The following JAK2 variants were observed in gnomAD, a reference collection of about 807,000 sequenced individuals.
The protein encoded by JAK2 is Janus kinase 2.
JAK2 carries 86 observed loss-of-function variants against 139.3 expected under a neutral mutation model. That is an observed-to-expected ratio of 0.62 (90% CI 0.52 to 0.74). The LOEUF is 0.74. JAK2 is among the 30% of genes least tolerant of loss of function. The probability of loss-of-function intolerance (pLI) is 0.00; values close to 1 mark genes in which losing one functional copy is unlikely to be tolerated. For synonymous variants in JAK2, 490 were observed against 437.7 expected, an observed-to-expected ratio of 1.12 and a Z score of -1.49; for missense variants, 1,421 against 1,360.3, an observed-to-expected ratio of 1.04 and a Z score of -0.70.
At chr9:5,093,748 C>T (rs1043899633) in intron 22 of JAK2, among the ~76,000 whole-genome samples, 1 of 152,094 alleles carries the variant, frequency 6.6e-6, no homozygotes, top group Non-Finnish European at 1.5e-5. Flanking sequence ...ACAGTGCAAT[C>T]CTATTCTATC....
chr9:5,025,952 CTT>C (rs1822757536), intron 3 of JAK2, among the ~76,000 whole-genome samples: 1 of 152,164 alleles, frequency 6.6e-6, no homozygotes, highest in Admixed American at 6.5e-5. Context: ...TTCTAGCACT[CTT>C]TGTCTTCATA....
intron 3 of JAK2, among the ~76,000 whole-genome samples, chr9:5,026,747 T>G (rs1278611057): frequency 1.3e-5 from 2 of 152,198 alleles, no homozygotes; most frequent in East Asian, 3.8e-4. Flanking sequence ...GAATGTTCTA[T>G]ATATGCTTGA....
chr9:4,990,463 T>A (rs1820176957), intron 2 of JAK2, among the ~76,000 whole-genome samples: 1 of 152,102 alleles, frequency 6.6e-6, no homozygotes, highest in African/African-American at 2.4e-5. Flanking sequence ...GATGGGCAAG[T>A]GAAAATTGAT....
intron 6 of JAK2, among the ~76,000 whole-genome samples, chr9:5,051,848 C>T (rs1276704098): frequency 6.6e-6 from 1 of 151,932 alleles, no homozygotes; most frequent in South Asian, 2.1e-4. Flanking sequence ...GTATTTCTCT[C>T]TTTGGTTTTA....
In JAK2 at chr9:5,127,680, A is replaced by G. The variant is rs1314027297; in HGVS notation, c.*889A>G. ...CTTTGAGCTGCTGACTGCCAATAAC[A>G]TTCTTCGATCTCTGGGATTTATGCT... On this transcript the variant is annotated 3_prime_UTR_variant, in exon 25 of 25. Coordinates refer to ENST00000381652, the MANE Select transcript of JAK2 (RefSeq NM_004972.4). The G allele has an allele frequency of 1.3e-5, 3 of 232,340 alleles. No individual in the cohort carries two copies. Among genetic ancestry groups the G allele is most frequent in the Non-Finnish European group, 2.6e-5 (3 of 117,056 alleles). The allele number at this position is 232,340 out of a possible 1,614,324, so 14.4% of individuals were successfully genotyped here. A position where few individuals can be genotyped will look rare whatever the true frequency, so the allele number is the denominator to read the frequency against.
rs181851852 is a variant in JAK2, at chr9:5,043,915, A to T, written c.351-488A>T. On this transcript the variant is annotated intron_variant, in intron 4 of 24. Coordinates refer to ENST00000381652, the MANE Select transcript of JAK2 (RefSeq NM_004972.4). ...GCTATGAATAAACTAAAAACATTGA[A>T]TTTTACACTTTAAGTGGGTGGACTT... is the stretch of plus-strand genomic sequence containing the variant. Among the ~76,000 whole-genome samples the T allele has an allele frequency of 1.2e-3, 177 of 152,322 alleles. 1 individual carries two copies. Among genetic ancestry groups the T allele is most frequent in the South Asian group, 8.1e-3 (39 of 4,828 alleles).
In JAK2 at chr9:5,102,733, A is replaced by G. The variant is rs1391300552; in HGVS notation, c.3059+11822A>G. Reference sequence around the variant, plus strand: ...TACAAGCCAGAAGAGAGTGGAGGCCAATATTCAACATTCTTAGAGAAAAAG... The same window carrying G: ...TACAAGCCAGAAGAGAGTGGAGGCCGATATTCAACATTCTTAGAGAAAAAG... On this transcript the variant is annotated intron_variant, in intron 22 of 24. Transcript: ENST00000381652. Among the ~76,000 whole-genome samples, 6 of 152,238 alleles carry G rather than the reference A, an allele frequency of 3.9e-5. No homozygotes were observed. In the East Asian group the frequency reaches 1.2e-3, roughly 29 times the overall value.
chr9:5,103,073 T>C (rs1266579460), intron 22 of JAK2, among the ~76,000 whole-genome samples: 1 of 151,714 alleles, frequency 6.6e-6, no homozygotes, highest in Non-Finnish European at 1.5e-5. Context: ...ATGGGATGAA[T>C]GCCCCAATTA....
At chr9:5,088,202 C>G (rs1820282681) in intron 19 of JAK2, among the ~76,000 whole-genome samples, 1 of 152,114 alleles carries the variant, frequency 6.6e-6, no homozygotes, top group Non-Finnish European at 1.5e-5. Flanking sequence ...TATTCTAGTT[C>G]CAATCTGACT....
At chr9:5,116,259 A>T (rs1823167470) in intron 22 of JAK2, among the ~76,000 whole-genome samples, 1 of 152,212 alleles carries the variant, frequency 6.6e-6, no homozygotes, top group South Asian at 2.1e-4. Flanking sequence ...AAACCCAAAA[A>T]GTCTGATCCC....
intron 9 of JAK2, 54 bp from the exon 10 acceptor site, chr9:5,066,624 C>A: frequency 1.0e-6 from 1 of 958,752 alleles, no homozygotes; most frequent in South Asian, 1.3e-5. Context: ...GACACTTGGT[C>A]ATAATATTAT....
intron 2 of JAK2, among the ~76,000 whole-genome samples, chr9:5,018,686 T>A (rs1011808335): frequency 5.9e-5 from 9 of 152,206 alleles, no homozygotes; most frequent in African/African-American, 2.2e-4. Context: ...CAAGCATTTC[T>A]TGTAGGTCTG....
chr9:5,034,898 G>C (rs901739843), intron 4 of JAK2, among the ~76,000 whole-genome samples: 3 of 152,156 alleles, frequency 2.0e-5, no homozygotes, highest in Non-Finnish European at 4.4e-5. Context: ...GAGCAGAACT[G>C]AAGGACATAG....
chr9:5,085,480 T>C (rs762416809), intron 19 of JAK2: 85 of 724,546 alleles, frequency 1.2e-4, no homozygotes, highest in Non-Finnish European at 1.9e-4. Context: ...AAATCTCTCA[T>C]GCTCATTTTC....
chr9:5,059,830 G>T (rs2130450653), intron 8 of JAK2, among the ~76,000 whole-genome samples: 4 of 152,160 alleles, frequency 2.6e-5, no homozygotes, highest in Middle Eastern at 3.4e-3. Context: ...CTTACTTATT[G>T]TTCATCTGAA....
At chr9:5,095,713 G>T (rs1020647491) in intron 22 of JAK2, among the ~76,000 whole-genome samples, 2 of 152,058 alleles carry the variant, frequency 1.3e-5, no homozygotes, top group African/African-American at 4.8e-5. Flanking sequence ...ATCCATTAAC[G>T]TAAGCGGTTG....
chr9:5,078,158 A>G, intron 15 of JAK2, 148 bp from the exon 16 acceptor site: 1 of 572,294 alleles, frequency 1.7e-6, no homozygotes. Flanking sequence ...TAGGAGTCAT[A>G]AATTTCCTTT....
intron 4 of JAK2, among the ~76,000 whole-genome samples, chr9:5,043,978 A>G (rs1816811672): frequency 6.6e-6 from 1 of 152,244 alleles, no homozygotes; most frequent in Non-Finnish European, 1.5e-5. Flanking sequence ...AGGTGTTACT[A>G]AAAGACAATA....
chr9:5,071,689 A>C (rs1818958993), intron 12 of JAK2, among the ~76,000 whole-genome samples: 1 of 152,172 alleles, frequency 6.6e-6, no homozygotes, highest in South Asian at 2.1e-4. Context: ...GAAAGACCCA[A>C]CTCATATCTG....
Sources: gnomAD v4.1 joint callset for allele counts (sites outside exome capture counted in the v4.1 genomes callset) on GRCh38, gnomAD v4.1.1 for gene constraint, MANE v1.5 for transcripts, NCBI Gene and HGNC (gene_info 2026-07-23, HGNC 2026-07-21) for gene names.